DHDDS: variants seen among roughly 807,000 people sequenced by gnomAD.
DHDDS encodes the protein dehydrodolichyl diphosphate synthase complex subunit DHDDS.
Under a neutral mutation model 46.2 loss-of-function variants are expected in DHDDS, and 16 were observed. The ratio of observed to expected loss-of-function variants is 0.35; its 90% confidence interval spans 0.23 to 0.53. The LOEUF (loss-of-function observed/expected upper bound fraction) is 0.53. Ranked by LOEUF, DHDDS falls within the 20% of genes least tolerant of loss-of-function variation. The pLI is 0.94. For missense variants in DHDDS, 340 were observed against 423.7 expected, an observed-to-expected ratio of 0.80 and a Z score of 1.73; for synonymous variants, 151 against 163.1, an observed-to-expected ratio of 0.93 and a Z score of 0.56.
At chr1:26,461,512 A>T (rs2075422199) in intron 8 of DHDDS, among the ~76,000 whole-genome samples, 1 of 151,216 alleles carries the variant, frequency 6.6e-6, no homozygotes, top group South Asian at 2.1e-4. Flanking sequence ...CACCCTCCCG[A>T]GTAGCTGGGA....
chr1:26,447,112 G>C (rs1293106432), intron 5 of DHDDS, among the ~76,000 whole-genome samples: 1 of 152,160 alleles, frequency 6.6e-6, no homozygotes, highest in East Asian at 1.9e-4. Context: ...CTGAAGTCAG[G>C]AGTTCAAGAC....
chr1:26,441,159 G>A (rs576317038), intron 3 of DHDDS, among the ~76,000 whole-genome samples: 10 of 151,894 alleles, frequency 6.6e-5, no homozygotes, highest in East Asian at 2.0e-4. Context: ...TCCTGACCTC[G>A]TGATCCGCCT....
intron 6 of DHDDS, among the ~76,000 whole-genome samples, chr1:26,455,575 C>G (rs190236298): frequency 5.6e-4 from 85 of 152,182 alleles, no homozygotes; most frequent in Non-Finnish European, 9.4e-4. Flanking sequence ...GGTAAAACCC[C>G]GTCTTTACTC....
intron 6 of DHDDS, among the ~76,000 whole-genome samples, chr1:26,450,999 A>AG (rs1553122291): frequency 6.6e-6 from 1 of 152,194 alleles, no homozygotes; most frequent in Non-Finnish European, 1.5e-5. Context: ...CTTGACTCCT[A>AG]GTCCAGCATG....
At chr1:26,464,878 T>TA (rs2075466108) in intron 8 of DHDDS, among the ~76,000 whole-genome samples, 1 of 152,150 alleles carries the variant, frequency 6.6e-6, no homozygotes, top group Admixed American at 6.6e-5. Flanking sequence ...TAGAGTAGCT[T>TA]ACTGAGAGGA....
At position 26,470,670 on chromosome 1, in the gene DHDDS, AAT is replaced by A. The variant is rs2075546192; in HGVS notation, c.*1540_*1541del. On this transcript the variant is annotated 3_prime_UTR_variant, in exon 9 of 9. Coordinates refer to ENST00000236342, the MANE Select transcript of DHDDS (RefSeq NM_205861.3). Reference sequence around the variant, plus strand: ...TGCCAGACACGGCGATTGAGAAGCCAATCAGTGAACCCTTTGGCAAAGCCCCC... The same window carrying A: ...TGCCAGACACGGCGATTGAGAAGCCACAGTGAACCCTTTGGCAAAGCCCCC... 6.6e-6 allele frequency: 1 copy of A among 152,630 alleles called. No individual in the cohort carries two copies. Among genetic ancestry groups the A allele is most frequent in the Non-Finnish European group, 1.5e-5 (1 of 68,042 alleles). The allele number at this position is 152,630 out of a possible 1,614,324, so 9.5% of individuals were successfully genotyped here.
At chr1:26,457,221 G>A (rs1383348284) in intron 6 of DHDDS, among the ~76,000 whole-genome samples, 1 of 151,660 alleles carries the variant, frequency 6.6e-6, no homozygotes, top group African/African-American at 2.4e-5. Context: ...CACTTTCAGA[G>A]GCCGAGGGGG....
At chr1:26,462,963 T>A (rs2075440178) in intron 8 of DHDDS, 1 of 152,124 alleles carries the variant, frequency 6.6e-6, no homozygotes, top group Non-Finnish European at 1.5e-5. Context: ...TAGAAAGTAA[T>A]GAAGAGAATG....
intron 8 of DHDDS, chr1:26,466,312 A>G (rs1195188197): frequency 6.6e-6 from 1 of 152,208 alleles, no homozygotes; most frequent in Non-Finnish European, 1.5e-5. Context: ...CTTGAGAAGA[A>G]CTGGAAACAC....
chr1:26,468,744 C>CT (rs2075518751), intron 8 of DHDDS, 151 bp from the exon 9 acceptor site: 2 of 1,081,990 alleles, frequency 1.8e-6, no homozygotes, highest in South Asian at 3.0e-5. Context: ...CACTGCATAC[C>CT]TACTCCCAAG....
chr1:26,461,534 C>T (rs1330314886), intron 8 of DHDDS, among the ~76,000 whole-genome samples: 3 of 151,912 alleles, frequency 2.0e-5, no homozygotes, highest in East Asian at 1.9e-4. Context: ...TACAGGCATG[C>T]GCCACCAATC....
chr1:26,435,521 T>C (rs1161653114), intron 2 of DHDDS, among the ~76,000 whole-genome samples: 1 of 143,790 alleles, frequency 7.0e-6, no homozygotes, highest in African/African-American at 2.6e-5. Context: ...CACTGCAACC[T>C]CTGCCTCCCG....
chr1:26,468,121 C>A (rs1363343884), intron 8 of DHDDS, among the ~76,000 whole-genome samples: 8 of 152,202 alleles, frequency 5.3e-5, no homozygotes, highest in Non-Finnish European at 1.2e-4. Context: ...CTTCCAAGGG[C>A]TTATTTTCTA....
chr1:26,439,523 A>G (rs1466656910), intron 3 of DHDDS, among the ~76,000 whole-genome samples: 1 of 152,106 alleles, frequency 6.6e-6, no homozygotes, highest in Non-Finnish European at 1.5e-5. Context: ...TTGAGGCTGC[A>G]GTGAGCTGTG....
Position 26,469,057 on chromosome 1 carries a change from G to C in DHDDS, c.928G>C (p.Val310Leu). Residue 310 changes from valine to leucine, a missense_variant, in exon 9 of 9, where the codon GTC becomes CTC. This residue lies in a region of DHDDS where 268 missense variants were observed against 300.3 expected (regional missense o/e 0.89). Transcript: ENST00000236342. ...HKLSARREER[V>L]QGFLQALELK... ...ACTCTCGGCCAGACGGGAAGAGCGA[G>C]TCCAAGGCTTCCTGCAGGCCTTGGA... 6.2e-7 allele frequency: 1 copy of C among 1,613,820 alleles called. No individual in the cohort carries two copies. Among genetic ancestry groups the C allele is most frequent in the Non-Finnish European group, 8.5e-7 (1 of 1,180,044 alleles).
chr1:26,436,196 G>A (rs56398321), intron 2 of DHDDS, among the ~76,000 whole-genome samples: 1 of 151,294 alleles, frequency 6.6e-6, no homozygotes, highest in Admixed American at 6.6e-5. Flanking sequence ...CCAGGAGTTC[G>A]AGAGCAGCCT....
At chr1:26,442,654 T>C (rs2075229815) in intron 3 of DHDDS, 77 bp from the exon 4 acceptor site, 1 of 1,583,250 alleles carries the variant, frequency 6.3e-7, no homozygotes, top group African/African-American at 1.3e-5. Context: ...CAACTCTGAG[T>C]CAGGACCAAA....
At chr1:26,464,895 C>T (rs916026482) in intron 8 of DHDDS, among the ~76,000 whole-genome samples, 3 of 152,144 alleles carry the variant, frequency 2.0e-5, no homozygotes, top group African/African-American at 4.8e-5. Flanking sequence ...AGGAAGGCAG[C>T]GGGTGGATCG....
chr1:26,441,028 G>A (rs1165348047), intron 3 of DHDDS, among the ~76,000 whole-genome samples: 4 of 151,796 alleles, frequency 2.6e-5, no homozygotes, highest in African/African-American at 7.3e-5. Context: ...AGGTTCAAGC[G>A]ATTCTCCTGC....
Sources: allele counts gnomAD v4.1 joint callset (sites outside exome capture counted in the v4.1 genomes callset), GRCh38; gene constraint gnomAD v4.1.1; regional missense constraint gnomAD v4.1.1; transcripts MANE v1.5; gene names NCBI Gene and HGNC (gene_info 2026-07-23, HGNC 2026-07-21).